The following MAPK6 variants were observed in gnomAD, a reference collection of about 807,000 sequenced individuals.
MAPK6 encodes ERK-3.
In MAPK6, 19 loss-of-function variants were observed where a neutral mutation model predicts 59.3. The observed-to-expected ratio is 0.32, with a 90% CI of 0.22 to 0.47. The LOEUF (loss-of-function observed/expected upper bound fraction) is 0.47. Among genes scored for constraint, MAPK6 ranks in the 20% least tolerant of loss-of-function variants. The pLI is 1.00. For synonymous variants in MAPK6, 316 were observed against 290.3 expected (o/e 1.09, Z -0.90); for missense variants, 724 against 847.9 (o/e 0.85, Z 1.81).
At chr15:52,030,923 C>G (rs1396844040) in intron 1 of MAPK6, among the ~76,000 whole-genome samples, 1 of 151,716 alleles carries the variant, frequency 6.6e-6, no homozygotes, top group Non-Finnish European at 1.5e-5. Flanking sequence ...TCCTGAGTGG[C>G]TGGGATTACA....
At chr15:52,062,067 AT>A (rs59641315) in intron 5 of MAPK6, among the ~76,000 whole-genome samples, 2,001 of 137,436 alleles carry the variant, frequency 0.015, 36 homozygotes, top group Admixed American at 0.064. Flanking sequence ...TAGATGCAGG[AT>A]TTTTTTTTTT....
intron 2 of MAPK6, among the ~76,000 whole-genome samples, chr15:52,002,061 A>G (rs909842896): frequency 7.9e-5 from 12 of 152,298 alleles, no homozygotes; most frequent in African/African-American, 2.9e-4. Context: ...TTAGGTCACG[A>G]AAGTCTCTTT....
chr15:51,976,230 C>T (rs2057157004), intron 1 of MAPK6, among the ~76,000 whole-genome samples: 1 of 143,404 alleles, frequency 7.0e-6, no homozygotes, highest in Non-Finnish European at 1.5e-5. Flanking sequence ...CGTGCCACTG[C>T]ACTCCAGCCT....
chr15:52,046,031 A>G lies in MAPK6; in HGVS notation c.-430A>G, dbSNP rs1042502649. ...CCTTAGAATGATGCTGCTCAGGACC[A>G]GTCCAACACTGAATGTATCTGCACT... On this transcript the variant is annotated 5_prime_UTR_variant, in exon 2 of 6. Transcript: ENST00000261845. The G allele has an allele frequency of 1.2e-5, 2 of 161,238 alleles. No homozygotes were observed. Among genetic ancestry groups the G allele is most frequent in the African/African-American group, 4.8e-5 (2 of 41,520 alleles). The allele number at this position is 161,238 out of a possible 1,614,324, so 10.0% of individuals were successfully genotyped here.
upstream of MAPK6, chr15:52,017,876 G>A (rs1177026770): frequency 6.6e-6 from 1 of 152,264 alleles, no homozygotes; most frequent in Non-Finnish European, 1.5e-5. Context: ...TCTCGTTGCA[G>A]AAGCTGGAAA....
intron 1 of MAPK6, among the ~76,000 whole-genome samples, chr15:51,981,439 TCCAG>T (rs1027463809): frequency 2.7e-5 from 4 of 147,906 alleles, no homozygotes; most frequent in Admixed American, 6.9e-5. Flanking sequence ...GCCACTGCAG[TCCAG>T]CCTGGGTGAC....
At chr15:52,063,804 C>T (rs2032301525) in intron 5 of MAPK6, 98 bp from the exon 6 acceptor site, 2 of 1,053,838 alleles carry the variant, frequency 1.9e-6, no homozygotes, top group Admixed American at 5.6e-5. Context: ...ATTATCCCCT[C>T]ATAGACCTAG....
intron 3 of MAPK6, among the ~76,000 whole-genome samples, chr15:52,054,231 G>T (rs572841779): frequency 1.3e-5 from 2 of 151,878 alleles, no homozygotes; most frequent in African/African-American, 4.8e-5. Flanking sequence ...AGCTGGGCAT[G>T]GTGGCGCGCA....
rs1427706964 is a variant in MAPK6, at chr15:52,043,134, AAAAC to A, written c.-631-2687_-631-2684del. 6.6e-5 allele frequency among the ~76,000 whole-genome samples: 10 copies of A among 152,258 alleles called. No individual in the cohort carries two copies. In the East Asian group the frequency reaches 9.7e-4, roughly 15 times the overall value. ...ATGACAGAGCAATACCCTGTCTCAA[AAAAC>A]AAACAAACTGGTTTTCCTAGGGTAT... On this transcript the variant is annotated intron_variant, in intron 1 of 5. Transcript: ENST00000261845.
At chr15:52,038,400 A>T (rs1169190591) in intron 1 of MAPK6, among the ~76,000 whole-genome samples, 1 of 152,216 alleles carries the variant, frequency 6.6e-6, no homozygotes, top group Non-Finnish European at 1.5e-5. Flanking sequence ...TTTAGTCAGT[A>T]AAATGTGAGA....
At chr15:51,989,757 AC>A (rs1213656869) in intron 2 of MAPK6, among the ~76,000 whole-genome samples, 4 of 151,632 alleles carry the variant, frequency 2.6e-5, no homozygotes, top group African/African-American at 9.7e-5. Context: ...GTGCCACCAT[AC>A]CTGGCTAATT....
At chr15:51,988,465 G>A (rs561694894) in intron 2 of MAPK6, among the ~76,000 whole-genome samples, 1 of 152,208 alleles carries the variant, frequency 6.6e-6, no homozygotes, top group East Asian at 1.9e-4. Flanking sequence ...CAGGAGTGGT[G>A]GCTCAAGCTT....
chr15:52,052,515 A>G (rs920492592), intron 3 of MAPK6, among the ~76,000 whole-genome samples: 2 of 152,190 alleles, frequency 1.3e-5, no homozygotes, highest in African/African-American at 4.8e-5. Flanking sequence ...ATTTTGGAAC[A>G]CTGTCTTGGC....
upstream of MAPK6, among the ~76,000 whole-genome samples, chr15:52,016,108 A>ACACACAC (rs1233223251): frequency 7.5e-6 from 1 of 133,538 alleles, no homozygotes; most frequent in Admixed American, 7.9e-5. Flanking sequence ...ACACACACAC[A>ACACACAC]AACTAAAACT....
At chr15:52,002,045 C>T (rs1348291813) in intron 2 of MAPK6, among the ~76,000 whole-genome samples, 2 of 152,190 alleles carry the variant, frequency 1.3e-5, no homozygotes, top group African/African-American at 4.8e-5. Context: ...TCTCTGCCTT[C>T]CCACCTTAGG....
chr15:52,015,903 CA>C (rs1214349399), upstream of MAPK6, among the ~76,000 whole-genome samples: 1 of 92,264 alleles, frequency 1.1e-5, no homozygotes, highest in East Asian at 3.6e-4. Flanking sequence ...ACTAAAAATG[CA>C]AAAATTAGTT....
At chr15:52,004,620 T>A (rs2057252237) in intron 3 of MAPK6, among the ~76,000 whole-genome samples, 1 of 152,170 alleles carries the variant, frequency 6.6e-6, no homozygotes, top group Non-Finnish European at 1.5e-5. Flanking sequence ...GGGGACAGTA[T>A]CTAATGAGGT....
intron 1 of MAPK6, among the ~76,000 whole-genome samples, chr15:51,983,079 A>G (rs537926733): frequency 6.6e-6 from 1 of 152,330 alleles, no homozygotes; most frequent in Non-Finnish European, 1.5e-5. Context: ...TGGGTAGGAA[A>G]ATGGGTTAGA....
At chr15:52,050,742 C>CTATT (rs1462613397) in intron 3 of MAPK6, among the ~76,000 whole-genome samples, 2 of 152,150 alleles carry the variant, frequency 1.3e-5, no homozygotes, top group Non-Finnish European at 2.9e-5. Flanking sequence ...AGATTTTTCA[C>CTATT]TATTTAGAAG....
Sources: allele counts gnomAD v4.1 joint callset (sites outside exome capture counted in the v4.1 genomes callset), GRCh38; gene constraint gnomAD v4.1.1; transcripts MANE v1.5; gene names NCBI Gene and HGNC (gene_info 2026-07-23, HGNC 2026-07-21).